PPARA: variants seen among roughly 807,000 people sequenced by gnomAD.
PPARA encodes peroxisome proliferator-activated receptor alpha.
A neutral mutation model predicts 42.2 loss-of-function variants in PPARA; 22 were observed. That is an observed-to-expected ratio of 0.52 (90% CI 0.37 to 0.74). The LOEUF is 0.74. Among genes scored for constraint, PPARA ranks in the 30% least tolerant of loss-of-function variants. The pLI is 0.00. For synonymous variants in PPARA, 242 were observed against 239.3 expected (o/e 1.01, Z -0.10); for missense variants, 465 against 608.2 (o/e 0.76, Z 2.48).
chr22:46,218,417 C>G lies in PPARA; in HGVS notation c.508+16C>G. The G allele has an allele frequency of 4.3e-6, 7 of 1,614,080 alleles. No individual in the cohort carries two copies. Among genetic ancestry groups the G allele is most frequent in the South Asian group, 1.1e-5 (1 of 91,084 alleles). On this transcript the variant is annotated intron_variant, in intron 6 of 8. Coordinates refer to ENST00000407236, the MANE Select transcript of PPARA (RefSeq NM_005036.6). ...TCACACAACGGTAGGTAAGGTGGCC[C>G]TGCACATTTTCCCAGTTCGTTCCTC...
Position 46,205,606 on chromosome 22 carries a change from G to A in PPARA, c.208+7015G>A, listed in dbSNP as rs562223087. ...TTTTGAGACAGAGTCTCACTCTGTT[G>A]CCCAGGCTGGAGTGCAGTGGTGCAA... On this transcript the variant is annotated intron_variant, in intron 4 of 8. Transcript: ENST00000407236. 5.0e-4 allele frequency among the ~76,000 whole-genome samples: 52 copies of A among 103,190 alleles called. 1 individual carries two copies. The highest frequency in any genetic ancestry group is 1.9e-3 in the African/African-American group (51 of 26,168). The allele number at this position is 103,190 out of a possible 152,430, so 67.7% of individuals were successfully genotyped here.
intron 2 of PPARA, among the ~76,000 whole-genome samples, chr22:46,153,130 G>GA (rs1236739509): frequency 7.2e-6 from 1 of 139,282 alleles, no homozygotes; most frequent in Non-Finnish European, 1.6e-5. Context: ...ATTGACATTA[G>GA]AAAAAAATGT....
chr22:46,205,546 ATATATATATTTTTTTTTTTT>A (rs1933192137), intron 4 of PPARA, among the ~76,000 whole-genome samples: 2 of 32,046 alleles, frequency 6.2e-5, no homozygotes, highest in African/African-American at 3.0e-4. Flanking sequence ...ATATATATAT[ATATATATATTTTTTTTTTTT>A]TTTTTTTTTT....
Position 46,241,103 on chromosome 22 carries a change from C to A in PPARA, c.*5723C>A, listed in dbSNP as rs1394045494. 1 of 152,272 alleles carries A rather than the reference C, an allele frequency of 6.6e-6. No homozygotes were observed. Among genetic ancestry groups the A allele is most frequent in the Admixed American group, 6.5e-5 (1 of 15,288 alleles). The allele number at this position is 152,272 out of a possible 1,614,324, so 9.4% of individuals were successfully genotyped here. A position where few individuals can be genotyped will look rare whatever the true frequency, so the allele number is the denominator to read the frequency against. ...CGATGCCATTAAATCATCCCGTGAC[C>A]TTCCTGCTTCCGAGTCCATGGCCTT... On this transcript the variant is annotated 3_prime_UTR_variant, in exon 9 of 9. Coordinates refer to ENST00000407236, the MANE Select transcript of PPARA (RefSeq NM_005036.6). The surrounding 1 kb of genome is among the most constrained non-coding windows in gnomAD (Gnocchi z 5.7).
chr22:46,175,739 A>G (rs1327813563), intron 2 of PPARA, among the ~76,000 whole-genome samples: 3 of 151,966 alleles, frequency 2.0e-5, no homozygotes, highest in Non-Finnish European at 2.9e-5. Context: ...AGAATGTCAC[A>G]TAATGAATCA....
At chr22:46,174,190 A>AAGAGAGAGAGAG in intron 2 of PPARA, among the ~76,000 whole-genome samples, 1 of 126,898 alleles carries the variant, frequency 7.9e-6, no homozygotes, top group African/African-American at 3.6e-5. Context: ...AGAAGGAAGA[A>AAGAGAGAGAGAG]AGAGAGAGAG....
At position 46,193,215 on chromosome 22, in the gene PPARA, C is replaced by T. The variant is rs543145112; in HGVS notation, c.-42-5127C>T. Among the ~76,000 whole-genome samples, 105 of 152,150 alleles carry T rather than the reference C, an allele frequency of 6.9e-4. No homozygotes were observed. Among genetic ancestry groups the T allele is most frequent in the African/African-American group, 2.0e-3 (85 of 41,516 alleles). ...CCAAATAGCTGGGATTATGGGCACG[C>T]GCCACCACACCTGGCTAATGTTTGT... On this transcript the variant is annotated intron_variant, in intron 3 of 8. Coordinates refer to ENST00000407236, the MANE Select transcript of PPARA (RefSeq NM_005036.6). This position sits in a 1 kb window ranked among gnomAD's most constrained non-coding sequence, Gnocchi z 5.3.
chr22:46,170,402 A>ATTTTTTT (rs935185946), intron 2 of PPARA, among the ~76,000 whole-genome samples: 2 of 64,210 alleles, frequency 3.1e-5, no homozygotes, highest in African/African-American at 1.2e-4. Flanking sequence ...CACCCAGCTA[A>ATTTTTTT]TTTTTTTTTT....
chr22:46,190,380 G>A lies in PPARA; in HGVS notation c.-42-7962G>A, dbSNP rs767973990. The stretch of plus-strand genomic sequence containing the variant: ...AGTGGTTACAATACAGTAAATTAGA[G>A]GGAGTAGTACAGAAGCATAAGCAGT... On this transcript the variant is annotated intron_variant, in intron 3 of 8. Coordinates refer to ENST00000407236, the MANE Select transcript of PPARA (RefSeq NM_005036.6). This position sits in a 1 kb window ranked among gnomAD's most constrained non-coding sequence, Gnocchi z 5.6. Among the ~76,000 whole-genome samples, 48 of 152,190 alleles carry A rather than the reference G, an allele frequency of 3.2e-4. No homozygotes were observed. The highest frequency in any genetic ancestry group is 6.5e-4 in the Non-Finnish European group (44 of 68,036).
Position 46,229,032 on chromosome 22 carries a change from G to A in PPARA, c.712-2760G>A, listed in dbSNP as rs561670895. Among the ~76,000 whole-genome samples, 521 of 151,384 alleles carry A rather than the reference G, an allele frequency of 3.4e-3. 2 individuals carry two copies. In the Middle Eastern group the frequency reaches 0.038, roughly 11 times the overall value. On this transcript the variant is annotated intron_variant, in intron 7 of 8. Transcript: ENST00000407236. ...TGAGGCAGGAGAATGGCATGAACCC[G>A]GGAGGCGGAGCTTGCTGTGAGCCAA...
At position 46,238,954 on chromosome 22, in the gene PPARA, GTT is replaced by G. The variant is rs944395768; in HGVS notation, c.*3576_*3577del. 1 of 152,278 alleles carries G rather than the reference GTT, an allele frequency of 6.6e-6. No homozygotes were observed. Among genetic ancestry groups the G allele is most frequent in the Non-Finnish European group, 1.5e-5 (1 of 68,096 alleles). 9.4% of individuals were successfully genotyped at this position (152,278 alleles called of 1,614,324 possible). A position where few individuals can be genotyped will look rare whatever the true frequency, so the allele number is the denominator to read the frequency against. The stretch of plus-strand genomic sequence containing the variant: ...GCCTTTCTTCCCACCTCGCTTGCCT[GTT>G]TCCGCTTGACCCTTCCTCCAGCTCC... On this transcript the variant is annotated 3_prime_UTR_variant, in exon 9 of 9. Coordinates refer to ENST00000407236, the MANE Select transcript of PPARA (RefSeq NM_005036.6). The surrounding 1 kb of genome is among the most constrained non-coding windows in gnomAD (Gnocchi z 8.3).
At chr22:46,181,980 G>A (rs941326701) in intron 3 of PPARA, among the ~76,000 whole-genome samples, 7 of 152,124 alleles carry the variant, frequency 4.6e-5, no homozygotes, top group East Asian at 1.9e-4. Context: ...CTGGGAGTAC[G>A]GGTGTGCACC....
At chr22:46,178,551 C>A (rs1230490176) in intron 3 of PPARA, among the ~76,000 whole-genome samples, 1 of 152,084 alleles carries the variant, frequency 6.6e-6, no homozygotes, top group Non-Finnish European at 1.5e-5. Context: ...TCCAGGGAGA[C>A]CATGGTGTAT....
At position 46,191,681 on chromosome 22, in the gene PPARA, G is replaced by A. The variant is rs551156643; in HGVS notation, c.-42-6661G>A. 5.3e-5 allele frequency among the ~76,000 whole-genome samples: 8 copies of A among 152,256 alleles called. No homozygotes were observed. Among genetic ancestry groups the A allele is most frequent in the Admixed American group, 3.3e-4 (5 of 15,286 alleles). On this transcript the variant is annotated intron_variant, in intron 3 of 8. Coordinates refer to ENST00000407236, the MANE Select transcript of PPARA (RefSeq NM_005036.6). This position sits in a 1 kb window ranked among gnomAD's most constrained non-coding sequence, Gnocchi z 4.6. The stretch of plus-strand genomic sequence containing the variant: ...CTGGGTGACAGCAGGCTGTGGCTGC[G>A]GCGACAGAGCTGAGGTGAATTCTCA...
chr22:46,211,583 T>C lies in PPARA; in HGVS notation c.209-3590T>C, dbSNP rs540617240. 2.0e-5 allele frequency among the ~76,000 whole-genome samples: 3 copies of C among 152,320 alleles called. No homozygotes were observed. The highest frequency in any genetic ancestry group is 4.4e-5 in the Non-Finnish European group (3 of 68,036). ...TGGGATCCTCCAACCTCCTAAGTTA[T>C]TTTTGTTTTATTTGCACACATTAGG... On this transcript the variant is annotated intron_variant, in intron 4 of 8. Coordinates refer to ENST00000407236, the MANE Select transcript of PPARA (RefSeq NM_005036.6). This position sits in a 1 kb window ranked among gnomAD's most constrained non-coding sequence, Gnocchi z 4.1.
chr22:46,197,574 G>A (rs1236673056), intron 3 of PPARA, among the ~76,000 whole-genome samples: 4 of 151,970 alleles, frequency 2.6e-5, no homozygotes, highest in Non-Finnish European at 5.9e-5. Flanking sequence ...ATGAATTCAG[G>A]TGTATCTTGG....
At position 46,193,861 on chromosome 22, in the gene PPARA, G is replaced by A. The variant is rs1931873320; in HGVS notation, c.-42-4481G>A. ...GCCTCCTGGACCAGAGGTTGCAGTT[G>A]TTGAGAAAAGGGATGGTTGGTTATG... On this transcript the variant is annotated intron_variant, in intron 3 of 8. Transcript: ENST00000407236. The surrounding 1 kb of genome is among the most constrained non-coding windows in gnomAD (Gnocchi z 5.3). Among the ~76,000 whole-genome samples, 1 of 152,218 alleles carries A rather than the reference G, an allele frequency of 6.6e-6. No individual in the cohort carries two copies. Among genetic ancestry groups the A allele is most frequent in the African/African-American group, 2.4e-5 (1 of 41,458 alleles).
chr22:46,183,322 A>G lies in PPARA; in HGVS notation c.-43+6486A>G, dbSNP rs1402319583. Among the ~76,000 whole-genome samples, 1 of 152,250 alleles carries G rather than the reference A, an allele frequency of 6.6e-6. No homozygotes were observed. The highest frequency in any genetic ancestry group is 6.5e-5 in the Admixed American group (1 of 15,288). ...TTTGTTTTAAAAACACATTAGAATA[A>G]TACTACATTTTCCCTCATCTCTAAA... On this transcript the variant is annotated intron_variant, in intron 3 of 8. Transcript: ENST00000407236. The surrounding 1 kb of genome is among the most constrained non-coding windows in gnomAD (Gnocchi z 5.5).
In PPARA at chr22:46,238,021, G is replaced by A. The variant is rs540983320; in HGVS notation, c.*2641G>A. The A allele has an allele frequency of 5.3e-5, 8 of 152,268 alleles. No individual in the cohort carries two copies. Among genetic ancestry groups the A allele is most frequent in the Admixed American group, 2.0e-4 (3 of 15,298 alleles). 9.4% of individuals were successfully genotyped at this position (152,268 alleles called of 1,614,324 possible). On this transcript the variant is annotated 3_prime_UTR_variant, in exon 9 of 9. Transcript: ENST00000407236. This position sits in a 1 kb window ranked among gnomAD's most constrained non-coding sequence, Gnocchi z 8.3. ...TAAAACCTGTTTAAAATAGCTCCCC[G>A]TCTCAGGCTTTCAGCAGTAACAGTG... is the stretch of plus-strand genomic sequence containing the variant.
Sources: gnomAD v4.1 joint callset for allele counts (sites outside exome capture counted in the v4.1 genomes callset) on GRCh38, gnomAD v4.1.1 for gene constraint, Gnocchi (gnomAD v3.1) non-coding constraint, MANE v1.5 for transcripts, NCBI Gene and HGNC (gene_info 2026-07-23, HGNC 2026-07-21) for gene names.